MYO1B: variants seen among roughly 807,000 people sequenced by gnomAD.
MYO1B encodes unconventional myosin-Ib.
In MYO1B, 72 loss-of-function variants were observed where a neutral mutation model predicts 159.7. That is an observed-to-expected ratio of 0.45 (90% CI 0.37 to 0.55). MYO1B has a LOEUF of 0.55. Among genes scored for constraint, MYO1B ranks in the 20% least tolerant of loss-of-function variants. The probability of loss-of-function intolerance (pLI) is 0.00; values close to 1 mark genes in which losing one functional copy is unlikely to be tolerated. For synonymous variants in MYO1B, 468 were observed against 473.8 expected (o/e 0.99, Z 0.16); for missense variants, 1,062 against 1,364.8 (o/e 0.78, Z 3.50).
intron 2 of MYO1B, among the ~76,000 whole-genome samples, chr2:191,284,329 A>C (rs1453595501): frequency 6.6e-6 from 1 of 152,196 alleles, no homozygotes; most frequent in Non-Finnish European, 1.5e-5. Flanking sequence ...TTGTTGTTCA[A>C]ATTCTGCTTT....
chr2:191,423,077 T>C (rs1444918936), intron 30 of MYO1B, among the ~76,000 whole-genome samples: 1 of 152,166 alleles, frequency 6.6e-6, no homozygotes, highest in Non-Finnish European at 1.5e-5. Context: ...GGACAAGAAG[T>C]GTTCCCAGTT....
chr2:191,255,247 T>C (rs537396896), intron 1 of MYO1B, among the ~76,000 whole-genome samples: 1 of 152,310 alleles, frequency 6.6e-6, no homozygotes, highest in East Asian at 1.9e-4. Flanking sequence ...ATCTTTAATG[T>C]TGAACAAAAC....
intron 7 of MYO1B, among the ~76,000 whole-genome samples, chr2:191,352,967 A>G (rs1450605778): frequency 6.6e-6 from 1 of 152,228 alleles, no homozygotes; most frequent in Non-Finnish European, 1.5e-5. Flanking sequence ...TAGTGAAAGC[A>G]TAGATTGTCA....
intron 2 of MYO1B, among the ~76,000 whole-genome samples, chr2:191,287,006 A>G (rs1688413958): frequency 6.6e-6 from 1 of 152,206 alleles, no homozygotes; most frequent in African/African-American, 2.4e-5. Flanking sequence ...TCATTAATGA[A>G]TTTAGCCATG....
In MYO1B at chr2:191,314,967, C is replaced by T. The variant is rs147718225; in HGVS notation, c.252-14968C>T. Among the ~76,000 whole-genome samples the T allele has an allele frequency of 2.8e-3, 425 of 152,232 alleles. 1 individual carries two copies. Among genetic ancestry groups the T allele is most frequent in the African/African-American group, 9.8e-3 (407 of 41,544 alleles). On this transcript the variant is annotated intron_variant, in intron 3 of 30. Coordinates refer to ENST00000392318, the MANE Select transcript of MYO1B (RefSeq NM_001130158.3). ...TTTAAATTGTAGATTTTTTATTCTG[C>T]TGAACCTGTGTGTGTCTGTTTGCAT...
chr2:191,356,228 G>GTGGATA (rs1693270077), intron 7 of MYO1B, among the ~76,000 whole-genome samples: 1 of 152,020 alleles, frequency 6.6e-6, no homozygotes, highest in Admixed American at 6.6e-5. Flanking sequence ...TCAGTAGTGA[G>GTGGATA]TGGATATTCG....
intron 1 of MYO1B, among the ~76,000 whole-genome samples, chr2:191,252,759 G>A (rs1422113497): frequency 6.6e-6 from 1 of 152,084 alleles, no homozygotes; most frequent in Admixed American, 6.6e-5. Flanking sequence ...CAAACCTGTC[G>A]AAATCTAAAT....
chr2:191,384,367 A>G (rs1175559288), intron 15 of MYO1B, among the ~76,000 whole-genome samples: 1 of 152,244 alleles, frequency 6.6e-6, no homozygotes, highest in African/African-American at 2.4e-5. Flanking sequence ...CTCTGAATGA[A>G]TATTAAATCA....
At chr2:191,357,377 G>T (rs139516087) in intron 7 of MYO1B, among the ~76,000 whole-genome samples, 1 of 152,114 alleles carries the variant, frequency 6.6e-6, no homozygotes, top group African/African-American at 2.4e-5. Context: ...TGGCGGCAGC[G>T]CAGTGGGGCG....
chr2:191,369,103 T>C (rs1177634033), intron 11 of MYO1B, among the ~76,000 whole-genome samples: 1 of 152,236 alleles, frequency 6.6e-6, no homozygotes, highest in Admixed American at 6.5e-5. Flanking sequence ...AAAATAGTTA[T>C]CATATTAAGT....
chr2:191,381,359 GA>G (rs953482288), intron 13 of MYO1B, 102 bp from the exon 14 acceptor site: 2 of 852,798 alleles, frequency 2.3e-6, no homozygotes, highest in African/African-American at 3.3e-5. Context: ...AAATCTGAGA[GA>G]TCATGTGTGG....
intron 3 of MYO1B, among the ~76,000 whole-genome samples, chr2:191,307,841 C>G (rs1374620716): frequency 6.6e-6 from 1 of 152,112 alleles, no homozygotes; most frequent in Admixed American, 6.5e-5. Context: ...ATAAAGGATA[C>G]AACACAGGAA....
At position 191,284,350 on chromosome 2, in the gene MYO1B, G is replaced by T. The variant is rs146565673; in HGVS notation, c.135+7320G>T. ...TTCAAATTCTGCTTTGGAAGGAGTGGAGGGTGAAATGACATGGCATACTGG... is the reference window on the plus strand; with the variant it reads ...TTCAAATTCTGCTTTGGAAGGAGTGTAGGGTGAAATGACATGGCATACTGG... On this transcript the variant is annotated intron_variant, in intron 2 of 30. Transcript: ENST00000392318. Among the ~76,000 whole-genome samples the T allele has an allele frequency of 2.8e-3, 428 of 152,302 alleles. 3 individuals carry two copies. The highest frequency in any genetic ancestry group is 1.0e-2 in the African/African-American group (415 of 41,554).
chr2:191,417,520 G>A (rs903310921), intron 30 of MYO1B, among the ~76,000 whole-genome samples: 3 of 152,108 alleles, frequency 2.0e-5, no homozygotes, highest in Non-Finnish European at 2.9e-5. Context: ...TGGGAAGATC[G>A]TATGTATCCC....
intron 13 of MYO1B, among the ~76,000 whole-genome samples, chr2:191,377,095 A>T (rs930064802): frequency 6.6e-6 from 1 of 152,160 alleles, no homozygotes; most frequent in Non-Finnish European, 1.5e-5. Context: ...TTCTTAAAAG[A>T]AGCCCTAGCG....
chr2:191,419,735 G>T (rs1303103655), intron 30 of MYO1B, among the ~76,000 whole-genome samples: 1 of 151,940 alleles, frequency 6.6e-6, no homozygotes, highest in African/African-American at 2.4e-5. Context: ...ACCCTGTGTA[G>T]GCCTAGGCTA....
intron 11 of MYO1B, among the ~76,000 whole-genome samples, chr2:191,365,267 A>G (rs1451271293): frequency 6.6e-6 from 1 of 152,190 alleles, no homozygotes; most frequent in Non-Finnish European, 1.5e-5. Flanking sequence ...ACTTTGTCCA[A>G]CTGTATTCTT....
intron 27 of MYO1B, among the ~76,000 whole-genome samples, chr2:191,412,598 C>T (rs1029441947): frequency 6.6e-6 from 1 of 152,216 alleles, no homozygotes; most frequent in Admixed American, 6.5e-5. Context: ...AGCTGTGAAA[C>T]GCTGACCACC....
chr2:191,401,563 G>A (rs985446512), intron 23 of MYO1B: 1 of 152,162 alleles, frequency 6.6e-6, no homozygotes, highest in Non-Finnish European at 1.5e-5. Flanking sequence ...TTGTTACTTA[G>A]AAAATCAAAG....
Sources: allele counts gnomAD v4.1 joint callset (sites outside exome capture counted in the v4.1 genomes callset), GRCh38; gene constraint gnomAD v4.1.1; transcripts MANE v1.5; gene names NCBI Gene and HGNC (gene_info 2026-07-23, HGNC 2026-07-21).